Variants in ENPP6 observed in about 807,000 individuals in gnomAD.
ENPP6 encodes the protein ectonucleotide pyrophosphatase/phosphodiesterase 6.
Under a neutral mutation model 42.0 loss-of-function variants are expected in ENPP6, and 32 were observed. The observed-to-expected ratio is 0.76, with a 90% confidence interval of 0.58 to 1.02. ENPP6 has a LOEUF of 1.02. Among genes scored for constraint, ENPP6 ranks in the 50% least tolerant of loss-of-function variants. ENPP6 has a pLI of 0.00. For missense variants in ENPP6, 552 were observed against 566.8 expected, an observed-to-expected ratio of 0.97 and a Z score of 0.27; for synonymous variants, 213 against 216.0, an observed-to-expected ratio of 0.99 and a Z score of 0.12.
chr4:184,197,534 C>T (rs1732821732), intron 1 of ENPP6, among the ~76,000 whole-genome samples: 1 of 152,208 alleles, frequency 6.6e-6, no homozygotes, highest in Admixed American at 6.5e-5. Flanking sequence ...GGCTTGGAAA[C>T]CTGCACTTGG....
chr4:184,158,179 A>G (rs1737205818), intron 1 of ENPP6, among the ~76,000 whole-genome samples: 1 of 152,212 alleles, frequency 6.6e-6, no homozygotes, highest in African/African-American at 2.4e-5. Flanking sequence ...TGGTTAAGGG[A>G]ACGAATCTTG....
rs372260217 is a variant in ENPP6, at chr4:184,158,043, T to C, written c.242-4310A>G. The stretch of plus-strand genomic sequence containing the variant: ...TCCTTTTATAGTTCCTTACCTCTTT[T>C]ATTCTTTTTGCATCCACTCAACATG... On this transcript the variant is annotated intron_variant, in intron 1 of 7. Coordinates refer to ENST00000296741, the MANE Select transcript of ENPP6 (RefSeq NM_153343.4). Among the ~76,000 whole-genome samples, 19 of 152,340 alleles carry C rather than the reference T, an allele frequency of 1.2e-4. No individual in the cohort carries two copies. In the East Asian group the frequency reaches 2.5e-3, roughly 20 times the overall value.
intron 2 of ENPP6, among the ~76,000 whole-genome samples, chr4:184,143,417 T>C (rs568970155): frequency 3.3e-5 from 5 of 152,234 alleles, no homozygotes; most frequent in Non-Finnish European, 7.3e-5. Flanking sequence ...AAGCCTCTTC[T>C]CTGCAGTTTT....
chr4:184,201,176 A>G (rs79810390), intron 1 of ENPP6, among the ~76,000 whole-genome samples: 5,771 of 152,158 alleles, frequency 0.038, 126 homozygotes, highest in Middle Eastern at 0.051. Context: ...GACACAATGG[A>G]CCTATTCATG....
intron 2 of ENPP6, among the ~76,000 whole-genome samples, chr4:184,142,203 T>C (rs139029078): frequency 3.2e-4 from 49 of 152,280 alleles, no homozygotes; most frequent in African/African-American, 1.2e-3. Flanking sequence ...TCTCCAAACT[T>C]CCTAGAGCCT....
chr4:184,158,470 TC>T (rs1737210072), intron 1 of ENPP6, among the ~76,000 whole-genome samples: 1 of 152,172 alleles, frequency 6.6e-6, no homozygotes, highest in Non-Finnish European at 1.5e-5. Flanking sequence ...TATTGAAAAT[TC>T]TCCTACTCTC....
intron 1 of ENPP6, among the ~76,000 whole-genome samples, chr4:184,175,692 T>C (rs533362360): frequency 2.0e-5 from 3 of 152,178 alleles, no homozygotes; most frequent in African/African-American, 7.2e-5. Flanking sequence ...TTCTGGAGTA[T>C]TGAGAAACAG....
At position 184,114,546 on chromosome 4, in the gene ENPP6, A is replaced by C. The variant is rs144061162; in HGVS notation, c.856-1737T>G. Among the ~76,000 whole-genome samples the C allele has an allele frequency of 6.0e-3, 914 of 152,214 alleles. 3 individuals are homozygous for C. Among genetic ancestry groups the C allele is most frequent in the Non-Finnish European group, 9.9e-3 (674 of 67,998 alleles). Reference sequence around the variant, plus strand: ...GTATAAGTGAAAAATCTAGCGACACACAGCAGGTCTCACAAACTGTTGTGT... The same window carrying C: ...GTATAAGTGAAAAATCTAGCGACACCCAGCAGGTCTCACAAACTGTTGTGT... On this transcript the variant is annotated intron_variant, in intron 5 of 7. Coordinates refer to ENST00000296741, the MANE Select transcript of ENPP6 (RefSeq NM_153343.4).
At chr4:184,209,845 G>A (rs1733079124) in intron 1 of ENPP6, among the ~76,000 whole-genome samples, 1 of 142,298 alleles carries the variant, frequency 7.0e-6, no homozygotes, top group African/African-American at 2.8e-5. Flanking sequence ...AGAAAGGTCG[G>A]GTTACCCTCA....
intron 2 of ENPP6, among the ~76,000 whole-genome samples, chr4:184,142,176 C>T (rs1342282469): frequency 6.6e-6 from 1 of 152,166 alleles, no homozygotes; most frequent in African/African-American, 2.4e-5. Context: ...CCAAGTTGAG[C>T]CCATAAAAAT....
At chr4:184,212,934 G>A (rs890682247) in intron 1 of ENPP6, among the ~76,000 whole-genome samples, 25 of 151,840 alleles carry the variant, frequency 1.6e-4, no homozygotes, top group African/African-American at 3.9e-4. Flanking sequence ...AAATAACGCC[G>A]CATATCTACA....
chr4:184,174,251 C>T (rs1737525029), intron 1 of ENPP6, among the ~76,000 whole-genome samples: 1 of 151,758 alleles, frequency 6.6e-6, no homozygotes, highest in African/African-American at 2.4e-5. Flanking sequence ...GATTTTCCTG[C>T]CTCAGCCTCC....
chr4:184,217,825 C>G lies in ENPP6; in HGVS notation c.-6G>C. 1 of 1,612,496 alleles carries G rather than the reference C, an allele frequency of 6.2e-7. No individual in the cohort carries two copies. The highest frequency in any genetic ancestry group is 8.5e-7 in the Non-Finnish European group (1 of 1,179,544). ...GTCCCAAGCTTCACTGCCATGCTGC[C>G]AGGAGCCTGCCAGAGCCCGGCTGGC... On this transcript the variant is annotated 5_prime_UTR_variant, in exon 1 of 8. Transcript: ENST00000296741.
chr4:184,159,159 A>G (rs1287403716), intron 1 of ENPP6, among the ~76,000 whole-genome samples: 1 of 152,246 alleles, frequency 6.6e-6, no homozygotes, highest in Non-Finnish European at 1.5e-5. Flanking sequence ...AATACAGCTT[A>G]CTTACATCTA....
chr4:184,172,075 A>G (rs1053515629), intron 1 of ENPP6, among the ~76,000 whole-genome samples: 2 of 152,082 alleles, frequency 1.3e-5, no homozygotes, highest in African/African-American at 2.4e-5. Context: ...AATGACGAGG[A>G]CACAGCCATG....
At position 184,112,726 on chromosome 4, in the gene ENPP6, T is replaced by C. The variant is rs1736223651; in HGVS notation, c.939A>G (p.Gly313=). The change falls in exon 6 of 8, where the codon GGA becomes GGG. Residue 313 remains glycine (G), a synonymous_variant. Transcript: ENST00000296741. ...AIPSRFYYKK[G]KFVSPLTLVA... Reference sequence around the variant, plus strand: ...CTAAAGTCAAAGGAGAGACAAACTTTCCTTTCTTGTAATAGAACCTGCTTG... The same window carrying C: ...CTAAAGTCAAAGGAGAGACAAACTTCCCTTTCTTGTAATAGAACCTGCTTG... 1 of 1,614,044 alleles carries C rather than the reference T, an allele frequency of 6.2e-7. No individual in the cohort carries two copies. The highest frequency in any genetic ancestry group is 1.3e-5 in the African/African-American group (1 of 74,928).
chr4:184,174,248 C>T (rs956177141), intron 1 of ENPP6, among the ~76,000 whole-genome samples: 4 of 151,416 alleles, frequency 2.6e-5, no homozygotes, highest in Non-Finnish European at 5.9e-5. Flanking sequence ...AGTGATTTTC[C>T]TGCCTCAGCC....
At position 184,203,089 on chromosome 4, in the gene ENPP6, C is replaced by CA. The variant is rs11305855; in HGVS notation, c.241+14489dup. Among the ~76,000 whole-genome samples the CA allele has an allele frequency of 8.1e-3, 1,191 of 146,420 alleles. 5 individuals carry two copies. The highest frequency in any genetic ancestry group is 0.017 in the African/African-American group (685 of 39,836). On this transcript the variant is annotated intron_variant, in intron 1 of 7. Coordinates refer to ENST00000296741, the MANE Select transcript of ENPP6 (RefSeq NM_153343.4). ...TGAAACCCCATCTCTACTAAAAATACAAAAAAAAAAAAATAGCCAAGTGTG... is the reference window on the plus strand; with the variant it reads ...TGAAACCCCATCTCTACTAAAAATACAAAAAAAAAAAAAATAGCCAAGTGTG...
intron 6 of ENPP6, among the ~76,000 whole-genome samples, chr4:184,110,776 T>G (rs1488678549): frequency 2.0e-5 from 3 of 152,196 alleles, no homozygotes. Context: ...GCCTCCAGAC[T>G]TCTAGTTATG....
Sources: allele counts gnomAD v4.1 joint callset (sites outside exome capture counted in the v4.1 genomes callset), GRCh38; gene constraint gnomAD v4.1.1; transcripts MANE v1.5; gene names NCBI Gene and HGNC (gene_info 2026-07-23, HGNC 2026-07-21).